The following GPC5 variants were observed in gnomAD, a reference collection of about 807,000 sequenced individuals.
GPC5 encodes the protein glypican-5.
GPC5 carries 47 observed loss-of-function variants against 53.9 expected under a neutral mutation model. The ratio of observed to expected loss-of-function variants is 0.87; its 90% confidence interval spans 0.69 to 1.11. The LOEUF (loss-of-function observed/expected upper bound fraction) is 1.11. Among genes scored for constraint, GPC5 ranks in the 50% most tolerant of loss-of-function variants. The pLI is 0.00. For missense variants in GPC5, 748 were observed against 713.1 expected, an observed-to-expected ratio of 1.05 and a Z score of -0.56; for synonymous variants, 286 against 263.3, an observed-to-expected ratio of 1.09 and a Z score of -0.84.
chr13:91,680,532 A>G (rs2035484191), intron 2 of GPC5, among the ~76,000 whole-genome samples: 1 of 152,216 alleles, frequency 6.6e-6, no homozygotes. Context: ...ATGTCAAGGC[A>G]TGGATTACAA....
intron 3 of GPC5, among the ~76,000 whole-genome samples, chr13:91,710,793 A>G (rs9589343): frequency 0.032 from 4,840 of 152,292 alleles, 119 homozygotes; most frequent in African/African-American, 0.065. Context: ...AGAAGTTTTT[A>G]AAACTGCTTT....
intron 5 of GPC5, among the ~76,000 whole-genome samples, chr13:91,889,223 T>C (rs1009691019): frequency 5.3e-5 from 8 of 152,216 alleles, no homozygotes; most frequent in Non-Finnish European, 4.4e-5. Context: ...GTGCCCATTT[T>C]CTGGGACACT....
At chr13:92,417,272 G>A (rs984276425) in intron 7 of GPC5, among the ~76,000 whole-genome samples, 1 of 152,162 alleles carries the variant, frequency 6.6e-6, no homozygotes, top group African/African-American at 2.4e-5. Context: ...ATCCTTAGCT[G>A]TCAGTAAAAT....
chr13:92,573,994 C>A (rs1269285815), intron 7 of GPC5, among the ~76,000 whole-genome samples: 1 of 152,178 alleles, frequency 6.6e-6, no homozygotes, highest in Non-Finnish European at 1.5e-5. Context: ...CAACCTCCAA[C>A]AAGGCCTGAA....
intron 7 of GPC5, among the ~76,000 whole-genome samples, chr13:92,343,911 G>T (rs1174199530): frequency 6.6e-6 from 1 of 151,832 alleles, no homozygotes; most frequent in African/African-American, 2.4e-5. Flanking sequence ...CTAATCTATT[G>T]TCTTCTCTGT....
intron 7 of GPC5, among the ~76,000 whole-genome samples, chr13:92,184,198 T>G (rs1198891432): frequency 3.9e-5 from 6 of 152,128 alleles, no homozygotes; most frequent in Admixed American, 1.3e-4. Context: ...CATATAATGA[T>G]CATGTTAGCT....
At chr13:92,788,029 A>C (rs1337293183) in intron 7 of GPC5, among the ~76,000 whole-genome samples, 1 of 152,266 alleles carries the variant, frequency 6.6e-6, no homozygotes, top group East Asian at 1.9e-4. Flanking sequence ...ATGGGGTTTC[A>C]GATTAAAAGT....
At chr13:91,448,201 T>C (rs1392833456) in intron 1 of GPC5, among the ~76,000 whole-genome samples, 2 of 152,226 alleles carry the variant, frequency 1.3e-5, no homozygotes, top group Non-Finnish European at 2.9e-5. Context: ...GTGAGTGGAA[T>C]CTTGGATGCT....
At chr13:91,794,927 G>A (rs117776547) in intron 5 of GPC5, among the ~76,000 whole-genome samples, 1 of 152,072 alleles carries the variant, frequency 6.6e-6, no homozygotes, top group Admixed American at 6.5e-5. Flanking sequence ...TGAATACAGA[G>A]TAAATTAATT....
At chr13:91,697,903 CTTT>C (rs200034619) in intron 3 of GPC5, among the ~76,000 whole-genome samples, 26,749 of 139,042 alleles carry the variant, frequency 0.19, 2,790 homozygotes, top group East Asian at 0.33. Context: ...AAGATGTTTT[CTTT>C]TTTTTTTTTT....
In GPC5 at chr13:91,421,848, A is replaced by G. The variant is rs142014953; in HGVS notation, c.163+22639A>G. ...GTATTGATGTATTTTAAAGTGCTCC[A>G]TATATTGGAATTTACAAAGTATATG... On this transcript the variant is annotated intron_variant, in intron 1 of 7. Coordinates refer to ENST00000377067, the MANE Select transcript of GPC5 (RefSeq NM_004466.6). Among the ~76,000 whole-genome samples the G allele has an allele frequency of 9.2e-5, 14 of 152,368 alleles. No homozygotes were observed. The East Asian group carries it at 2.7e-3, about 29-fold the overall frequency.
At chr13:92,485,524 C>A (rs947965196) in intron 7 of GPC5, among the ~76,000 whole-genome samples, 3 of 152,158 alleles carry the variant, frequency 2.0e-5, no homozygotes, top group Non-Finnish European at 4.4e-5. Context: ...TATATTTCTT[C>A]TGTTTCAATC....
intron 2 of GPC5, among the ~76,000 whole-genome samples, chr13:91,636,439 TTGTG>T (rs1484525123): frequency 6.7e-6 from 1 of 149,248 alleles, no homozygotes; most frequent in Non-Finnish European, 1.5e-5. Flanking sequence ...GTGTGTGTAT[TTGTG>T]TGTGTGTATT....
At chr13:91,810,707 A>G (rs2038297288) in intron 5 of GPC5, among the ~76,000 whole-genome samples, 1 of 151,954 alleles carries the variant, frequency 6.6e-6, no homozygotes, top group African/African-American at 2.4e-5. Context: ...CAATTATGCT[A>G]TGTCGTTATA....
At chr13:92,444,736 A>T (rs1293492119) in intron 7 of GPC5, among the ~76,000 whole-genome samples, 3 of 147,548 alleles carry the variant, frequency 2.0e-5, no homozygotes, top group African/African-American at 7.7e-5. Context: ...AAAAAAAAAA[A>T]AAAAGTCTAA....
intron 7 of GPC5, among the ~76,000 whole-genome samples, chr13:92,281,580 G>T (rs1290914345): frequency 6.6e-6 from 1 of 152,156 alleles, no homozygotes; most frequent in Non-Finnish European, 1.5e-5. Context: ...AGCAGCATTT[G>T]CTCTTCAGCA....
Position 91,401,883 on chromosome 13 carries a change from A to G in GPC5, c.163+2674A>G, listed in dbSNP as rs145989679. Reference sequence around the variant, plus strand: ...GTTTGGATGAGAAATGTAAAAAAGGAGAGAAGGTGTAAATGTGATTAGAAT... The same window carrying G: ...GTTTGGATGAGAAATGTAAAAAAGGGGAGAAGGTGTAAATGTGATTAGAAT... On this transcript the variant is annotated intron_variant, in intron 1 of 7. Coordinates refer to ENST00000377067, the MANE Select transcript of GPC5 (RefSeq NM_004466.6). Among the ~76,000 whole-genome samples the G allele has an allele frequency of 2.1e-3, 318 of 152,300 alleles. 1 individual carries two copies. The highest frequency in any genetic ancestry group is 7.3e-3 in the African/African-American group (303 of 41,574).
intron 5 of GPC5, among the ~76,000 whole-genome samples, chr13:91,896,936 T>C (rs990727082): frequency 1.3e-5 from 2 of 152,176 alleles, no homozygotes; most frequent in Non-Finnish European, 2.9e-5. Context: ...TGAGGACTGC[T>C]TGATAGTAGG....
chr13:92,259,101 C>T (rs2042747017), intron 7 of GPC5, among the ~76,000 whole-genome samples: 1 of 152,138 alleles, frequency 6.6e-6, no homozygotes, highest in Non-Finnish European at 1.5e-5. Context: ...TTTACAGAAC[C>T]TTGGATAGAT....
Sources: gnomAD v4.1 joint callset for allele counts (sites outside exome capture counted in the v4.1 genomes callset) on GRCh38, gnomAD v4.1.1 for gene constraint, MANE v1.5 for transcripts, NCBI Gene and HGNC (gene_info 2026-07-23, HGNC 2026-07-21) for gene names.